ROBO2: variants seen among roughly 807,000 people sequenced by gnomAD.
ROBO2 encodes the protein roundabout homolog 2.
Under a neutral mutation model 160.8 loss-of-function variants are expected in ROBO2, and 53 were observed. The observed-to-expected ratio is 0.33, with a 90% CI of 0.26 to 0.41. The LOEUF (loss-of-function observed/expected upper bound fraction) is 0.41. Among genes scored for constraint, ROBO2 ranks in the 10% least tolerant of loss-of-function variants. The pLI is 1.00. For synonymous variants in ROBO2, 664 were observed against 611.7 expected, an observed-to-expected ratio of 1.09 and a Z score of -1.26; for missense variants, 1,577 against 1,722.4, an observed-to-expected ratio of 0.92 and a Z score of 1.49.
intron 2 of ROBO2, among the ~76,000 whole-genome samples, chr3:76,788,598 T>C (rs372929442): frequency 1.5e-4 from 23 of 151,712 alleles, no homozygotes; most frequent in African/African-American, 4.6e-4. Context: ...AATTACTTTT[T>C]AGCAGATTGA....
intron 23 of ROBO2, chr3:77,632,396 T>G: frequency 2.0e-6 from 2 of 1,012,594 alleles, no homozygotes; most frequent in Non-Finnish European, 1.3e-6. Flanking sequence ...ACAACTTACT[T>G]GCTCATTAGT....
chr3:76,412,507 A>G (rs2075542708), intron 2 of ROBO2, among the ~76,000 whole-genome samples: 2 of 152,188 alleles, frequency 1.3e-5, no homozygotes, highest in South Asian at 2.1e-4. Flanking sequence ...AAAGCCAGCT[A>G]GTTACTTGCT....
At chr3:76,960,837 G>A (rs535210070) in intron 2 of ROBO2, among the ~76,000 whole-genome samples, 30 of 152,112 alleles carry the variant, frequency 2.0e-4, no homozygotes, top group African/African-American at 5.8e-4. Context: ...TGAAATAATA[G>A]CATAATTGTG....
chr3:76,339,189 G>A lies in ROBO2; in HGVS notation c.109+401587G>A, dbSNP rs149737055. 1.3e-3 allele frequency among the ~76,000 whole-genome samples: 204 copies of A among 152,062 alleles called. 1 individual carries two copies. Among genetic ancestry groups the A allele is most frequent in the African/African-American group, 4.7e-3 (196 of 41,486 alleles). On this transcript the variant is annotated intron_variant, in intron 2 of 26. Transcript: ENST00000487694. ...TTTTCTGGATTTTTATGATCTGAATGGCATATTTTCAAAATATTGTATTTG... is the reference window on the plus strand; with the variant it reads ...TTTTCTGGATTTTTATGATCTGAATAGCATATTTTCAAAATATTGTATTTG...
chr3:76,739,436 C>G (rs570096590), intron 2 of ROBO2, among the ~76,000 whole-genome samples: 1 of 138,926 alleles, frequency 7.2e-6, no homozygotes, highest in South Asian at 2.2e-4. Context: ...ACAATGAGAA[C>G]ACATGGACAC....
intron 2 of ROBO2, among the ~76,000 whole-genome samples, chr3:76,957,025 C>A (rs1281072076): frequency 6.6e-6 from 1 of 152,042 alleles, no homozygotes. Flanking sequence ...TGTTTCAAAT[C>A]TTACGTTTAG....
At chr3:76,222,190 C>A (rs964557880) in intron 2 of ROBO2, among the ~76,000 whole-genome samples, 9 of 152,150 alleles carry the variant, frequency 5.9e-5, no homozygotes, top group African/African-American at 2.2e-4. Context: ...CACCAAAACA[C>A]GTTACCAGTG....
intron 2 of ROBO2, among the ~76,000 whole-genome samples, chr3:76,971,541 A>C (rs906414909): frequency 6.8e-6 from 1 of 146,590 alleles, no homozygotes; most frequent in Non-Finnish European, 1.5e-5. Context: ...AGACATCTCT[A>C]CTGTTTCTCT....
chr3:75,928,822 C>G (rs548038862), intron 1 of ROBO2, among the ~76,000 whole-genome samples: 68 of 145,146 alleles, frequency 4.7e-4, no homozygotes, highest in African/African-American at 1.6e-3. Flanking sequence ...TGTGTACTTT[C>G]AATGTACCTT....
intron 2 of ROBO2, among the ~76,000 whole-genome samples, chr3:76,030,448 A>G: frequency 6.6e-6 from 1 of 152,160 alleles, no homozygotes; most frequent in East Asian, 1.9e-4. Context: ...GCCCATGCCT[A>G]TGTCCTGAAT....
chr3:76,798,113 G>GAAAAGAAGAAAGAAAGAAGA (rs1421584444), intron 2 of ROBO2, among the ~76,000 whole-genome samples: 15 of 98,090 alleles, frequency 1.5e-4, no homozygotes, highest in African/African-American at 5.4e-4. Context: ...AAAAAAGAAA[G>GAAAAGAAGAAAGAAAGAAGA]AAGAGAAAGA....
At chr3:77,186,786 A>G (rs868751060) in intron 2 of ROBO2, among the ~76,000 whole-genome samples, 1 of 151,882 alleles carries the variant, frequency 6.6e-6, no homozygotes, top group Admixed American at 6.6e-5. Flanking sequence ...TACTATTACC[A>G]TCTTGTTTTT....
At chr3:76,053,748 A>T (rs1444525100) in intron 2 of ROBO2, among the ~76,000 whole-genome samples, 1 of 152,074 alleles carries the variant, frequency 6.6e-6, no homozygotes, top group African/African-American at 2.4e-5. Flanking sequence ...TTTATTTTGG[A>T]GACTGACTTC....
chr3:76,120,202 A>G (rs967793931), intron 2 of ROBO2, among the ~76,000 whole-genome samples: 1 of 151,906 alleles, frequency 6.6e-6, no homozygotes, highest in African/African-American at 2.4e-5. Flanking sequence ...GAATTTTGCC[A>G]TGTTGGCCAG....
chr3:76,275,541 A>G (rs1035610376), intron 2 of ROBO2, among the ~76,000 whole-genome samples: 1 of 152,304 alleles, frequency 6.6e-6, no homozygotes, highest in African/African-American at 2.4e-5. Flanking sequence ...TCTAATACAC[A>G]GAATGAGAAA....
intron 2 of ROBO2, among the ~76,000 whole-genome samples, chr3:76,865,852 G>A (rs531618557): frequency 4.0e-4 from 61 of 152,104 alleles, no homozygotes; most frequent in African/African-American, 1.4e-3. Context: ...GAATTAAGAG[G>A]CATTTTATTC....
intron 2 of ROBO2, among the ~76,000 whole-genome samples, chr3:76,769,314 C>A (rs2061749132): frequency 6.6e-6 from 1 of 151,196 alleles, no homozygotes; most frequent in Admixed American, 6.6e-5. Flanking sequence ...TTAAGTAGAT[C>A]TAGAGTGGGG....
chr3:76,647,498 C>G (rs2091034289), intron 2 of ROBO2, among the ~76,000 whole-genome samples: 1 of 151,800 alleles, frequency 6.6e-6, no homozygotes, highest in Non-Finnish European at 1.5e-5. Flanking sequence ...ATCATCTGGA[C>G]AAAAGTAAAA....
intron 2 of ROBO2, among the ~76,000 whole-genome samples, chr3:77,385,770 T>C (rs2074035487): frequency 6.6e-6 from 1 of 152,184 alleles, no homozygotes; most frequent in South Asian, 2.1e-4. Context: ...TAAGACATTG[T>C]ATGTTTTCCT....
Sources: allele counts gnomAD v4.1 joint callset (sites outside exome capture counted in the v4.1 genomes callset), GRCh38; gene constraint gnomAD v4.1.1; transcripts MANE v1.5; gene names NCBI Gene and HGNC (gene_info 2026-07-23, HGNC 2026-07-21).